RTN1: variants seen among roughly 807,000 people sequenced by gnomAD.
The protein encoded by RTN1 is reticulon 1.
Under a neutral mutation model 65.5 loss-of-function variants are expected in RTN1, and 25 were observed. That is an observed-to-expected ratio of 0.38 (90% CI 0.28 to 0.53). RTN1 has a LOEUF of 0.53. RTN1 is among the 20% of genes least tolerant of loss of function. The pLI is 0.79. For synonymous variants in RTN1, 471 were observed against 447.6 expected (o/e 1.05, Z -0.66); for missense variants, 983 against 1,025.4 (o/e 0.96, Z 0.57).
intron 1 of RTN1, among the ~76,000 whole-genome samples, chr14:59,802,027 T>C (rs188888594): frequency 8.5e-5 from 13 of 152,342 alleles, no homozygotes; most frequent in Admixed American, 7.8e-4. Context: ...TCATCTCAGT[T>C]GTGTTCCATT....
At chr14:59,845,316 T>C (rs1887388201) in intron 1 of RTN1, among the ~76,000 whole-genome samples, 1 of 152,220 alleles carries the variant, frequency 6.6e-6, no homozygotes, top group South Asian at 2.1e-4. Flanking sequence ...TTTGAAAGTG[T>C]TTTTACATTG....
At chr14:59,760,568 T>C (rs1490178471) in intron 1 of RTN1, among the ~76,000 whole-genome samples, 1 of 152,236 alleles carries the variant, frequency 6.6e-6, no homozygotes, top group Non-Finnish European at 1.5e-5. Flanking sequence ...TTGCACAAAC[T>C]ATGATGGGAA....
Position 59,774,442 on chromosome 14 carries a change from T to A in RTN1, c.242-27961A>T, listed in dbSNP as rs1886014116. On this transcript the variant is annotated intron_variant, in intron 1 of 8. Coordinates refer to ENST00000267484, the MANE Select transcript of RTN1 (RefSeq NM_021136.3). This position sits in a 1 kb window ranked among gnomAD's most constrained non-coding sequence, Gnocchi z 5.1. ...TGTGTTGCCTGCTGTTCTAGCTGTG[T>A]CAACACGGGCAAAATTGAGAGCTGA... Among the ~76,000 whole-genome samples the A allele has an allele frequency of 6.6e-6, 1 of 152,308 alleles. No individual in the cohort carries two copies.
At chr14:59,711,557 A>G (rs1308673472) in intron 3 of RTN1, among the ~76,000 whole-genome samples, 1 of 152,242 alleles carries the variant, frequency 6.6e-6, no homozygotes, top group East Asian at 1.9e-4. Flanking sequence ...ATAAAATCCC[A>G]CAACAGATTT....
chr14:59,694,754 A>G (rs1375939656), intron 3 of RTN1, among the ~76,000 whole-genome samples: 1 of 152,222 alleles, frequency 6.6e-6, no homozygotes, highest in Non-Finnish European at 1.5e-5. Context: ...AACTGGTTAT[A>G]CAACTCAAAG....
intron 3 of RTN1, among the ~76,000 whole-genome samples, chr14:59,673,657 C>T (rs1015774247): frequency 6.6e-6 from 1 of 151,984 alleles, no homozygotes; most frequent in African/African-American, 2.4e-5. Flanking sequence ...GGAAAAAGCA[C>T]CATTTGACTG....
chr14:59,598,072 G>C (rs961003234), intron 8 of RTN1, among the ~76,000 whole-genome samples: 1 of 150,608 alleles, frequency 6.6e-6, no homozygotes, highest in Non-Finnish European at 1.5e-5. Context: ...GATGGTGGCT[G>C]TGTAAAAAAA....
chr14:59,810,418 T>C (rs187989718), intron 1 of RTN1, among the ~76,000 whole-genome samples: 2 of 152,308 alleles, frequency 1.3e-5, no homozygotes, highest in African/African-American at 4.8e-5. Flanking sequence ...TACATATGCC[T>C]ACTGTAGAAG....
intron 3 of RTN1, among the ~76,000 whole-genome samples, chr14:59,668,241 G>C (rs978411158): frequency 6.6e-6 from 1 of 152,136 alleles, no homozygotes; most frequent in African/African-American, 2.4e-5. Context: ...GCATGGTACT[G>C]GTACCAAAAC....
intron 3 of RTN1, among the ~76,000 whole-genome samples, chr14:59,702,551 G>A (rs956407333): frequency 6.6e-6 from 1 of 152,112 alleles, no homozygotes; most frequent in African/African-American, 2.4e-5. Context: ...TGGAGTCATC[G>A]CTGTTTCTTC....
At chr14:59,839,856 T>C (rs1159555472) in intron 1 of RTN1, among the ~76,000 whole-genome samples, 2 of 152,176 alleles carry the variant, frequency 1.3e-5, no homozygotes, top group African/African-American at 4.8e-5. Context: ...ACAGTATGTT[T>C]TTAGTATTAC....
intron 3 of RTN1, among the ~76,000 whole-genome samples, chr14:59,612,146 G>A (rs1432505165): frequency 9.2e-5 from 14 of 152,208 alleles, no homozygotes; most frequent in Non-Finnish European, 1.3e-4. Flanking sequence ...TTTGTTATGT[G>A]TATTTTGCTG....
At chr14:59,819,396 T>C (rs1886883104) in intron 1 of RTN1, among the ~76,000 whole-genome samples, 2 of 105,400 alleles carry the variant, frequency 1.9e-5, no homozygotes, top group African/African-American at 4.0e-5. Context: ...AGCTGATTGG[T>C]GCATCCACAC....
intron 2 of RTN1, among the ~76,000 whole-genome samples, chr14:59,742,259 T>A (rs1387073226): frequency 6.6e-6 from 1 of 152,234 alleles, no homozygotes; most frequent in Non-Finnish European, 1.5e-5. Context: ...GATGACTTCC[T>A]GATTATTGTC....
Position 59,810,420 on chromosome 14 carries a change from C to T in RTN1, c.241+59970G>A, listed in dbSNP as rs79013428. ...TGCAAACATGAAGTACATATGCCTA[C>T]TGTAGAAGTAATAGAGTTCTCTGTT... is the stretch of plus-strand genomic sequence containing the variant. On this transcript the variant is annotated intron_variant, in intron 1 of 8. Transcript: ENST00000267484. Among the ~76,000 whole-genome samples, 456 of 152,260 alleles carry T rather than the reference C, an allele frequency of 3.0e-3. 11 individuals are homozygous for T. In the East Asian group the frequency reaches 0.05, roughly 17 times the overall value.
At chr14:59,614,282 T>C (rs1882044239) in intron 3 of RTN1, among the ~76,000 whole-genome samples, 1 of 152,180 alleles carries the variant, frequency 6.6e-6, no homozygotes. Context: ...AGCTGCTTAT[T>C]TGGCCCTAGA....
At chr14:59,770,992 C>T (rs973906427) in intron 1 of RTN1, among the ~76,000 whole-genome samples, 2 of 151,918 alleles carry the variant, frequency 1.3e-5, no homozygotes, top group Non-Finnish European at 2.9e-5. Flanking sequence ...TTGCAGTGAG[C>T]CGATATGGCG....
intron 1 of RTN1, among the ~76,000 whole-genome samples, chr14:59,788,176 T>C (rs1267582147): frequency 6.6e-6 from 1 of 152,214 alleles, no homozygotes; most frequent in East Asian, 1.9e-4. Flanking sequence ...CTCCAATAAA[T>C]GTCCTTGTAC....
At chr14:59,837,350 G>T (rs917565534) in intron 1 of RTN1, among the ~76,000 whole-genome samples, 1 of 151,774 alleles carries the variant, frequency 6.6e-6, no homozygotes, top group Non-Finnish European at 1.5e-5. Flanking sequence ...AAATATTTAA[G>T]AGAAATAGAA....
Sources: allele counts gnomAD v4.1 joint callset (sites outside exome capture counted in the v4.1 genomes callset), GRCh38; gene constraint gnomAD v4.1.1; non-coding constraint Gnocchi (gnomAD v3.1); transcripts MANE v1.5; gene names NCBI Gene and HGNC (gene_info 2026-07-23, HGNC 2026-07-21).